The following ATAD2B variants were observed in gnomAD, a reference collection of about 807,000 sequenced individuals.
ATAD2B encodes the protein ATPase family AAA domain containing 2B, also known as ATPase family AAA domain-containing protein 2B.
A neutral mutation model predicts 167.6 loss-of-function variants in ATAD2B; 40 were observed. The observed-to-expected ratio is 0.24, with a 90% CI of 0.19 to 0.31. ATAD2B has a LOEUF of 0.31. Among genes scored for constraint, ATAD2B ranks in the 10% least tolerant of loss-of-function variants. The pLI is 1.00. For missense variants in ATAD2B, 1,242 were observed against 1,757.2 expected (o/e 0.71, Z 5.24); for synonymous variants, 579 against 596.5 (o/e 0.97, Z 0.43).
chr2:23,725,407 T>C, the ATAD2B span, among the ~76,000 whole-genome samples: 1 of 152,218 alleles, frequency 6.6e-6, no homozygotes, highest in South Asian at 2.1e-4. Flanking sequence ...ATATAACAGA[T>C]TATGTCTTAC....
At chr2:23,766,439 C>T (rs1231416129) in intron 22 of ATAD2B, among the ~76,000 whole-genome samples, 1 of 152,170 alleles carries the variant, frequency 6.6e-6, no homozygotes, top group African/African-American at 2.4e-5. Context: ...TAAGGGCAAA[C>T]AGTATAGACA....
rs746522804 is a variant in ATAD2B, at chr2:23,888,371, G to A, written c.397C>T (p.Pro133Ser). The change falls in exon 3 of 28, where the codon CCA (proline) becomes TCA (serine). Residue 133 changes from proline (P) to serine (S), a missense_variant. Pro to Ser is a moderately conservative substitution (Grantham distance 74, BLOSUM62 -1). Around this residue, in one of 9 missense-constraint regions of ATAD2B, gnomAD observed 199 missense variants for 194.9 expected, o/e 1.02. Coordinates refer to ENST00000238789, the MANE Select transcript of ATAD2B (RefSeq NM_017552.4). The part of the protein sequence containing the change: ...RLTSQPGATL[P>S]NGHSGLSLRS... ...TCACATAAGCCACTATGTCCATTTG[G>A]TAATGTAGCACCAGGCTGAGAAGTT... is the stretch of plus-strand genomic sequence containing the variant. 6.9e-6 allele frequency: 11 copies of A among 1,592,256 alleles called. No homozygotes were observed. The South Asian group carries it at 1.3e-4, about 18-fold the overall frequency.
intron 13 of ATAD2B, chr2:23,856,222 A>T: frequency 4.2e-5 from 7 of 165,992 alleles, no homozygotes. Flanking sequence ...GACCAGAATT[A>T]TTTTAAACTT....
chr2:23,805,655 A>G (rs1572832478), intron 18 of ATAD2B, among the ~76,000 whole-genome samples: 2 of 152,108 alleles, frequency 1.3e-5, no homozygotes, highest in Admixed American at 1.3e-4. Flanking sequence ...TTGAAATGTT[A>G]TTTTCTTTTC....
At chr2:23,843,395 A>ATTT (rs1691240677) in intron 13 of ATAD2B, among the ~76,000 whole-genome samples, 7 of 152,260 alleles carry the variant, frequency 4.6e-5, no homozygotes, top group Admixed American at 4.6e-4. Flanking sequence ...GTCATGGCTA[A>ATTT]ACTGTTGAAA....
chr2:23,739,971 G>C, the ATAD2B span, among the ~76,000 whole-genome samples: 1 of 152,056 alleles, frequency 6.6e-6, no homozygotes, highest in Non-Finnish European at 1.5e-5. Flanking sequence ...TAAATTCCTC[G>C]ACACATACAT....
intron 23 of ATAD2B, among the ~76,000 whole-genome samples, chr2:23,762,636 C>G (rs912700741): frequency 2.6e-5 from 4 of 152,128 alleles, no homozygotes; most frequent in African/African-American, 9.7e-5. Context: ...ATTATTATGA[C>G]TGTGGAACAA....
chr2:23,706,600 A>G, the ATAD2B span: 1 of 1,536,928 alleles, frequency 6.5e-7, no homozygotes, highest in Non-Finnish European at 8.7e-7. Context: ...CTCCTCCCCC[A>G]CATGCCCTGC....
chr2:23,696,287 C>A, the ATAD2B span: 1 of 1,536,818 alleles, frequency 6.5e-7, no homozygotes, highest in East Asian at 2.5e-5. The surrounding 1 kb of genome is among the most constrained non-coding windows in gnomAD (Gnocchi z 5.5). Context: ...GACCCCAGGC[C>A]CCTCCTCACC....
chr2:23,900,442 A>G (rs544299218), intron 1 of ATAD2B, among the ~76,000 whole-genome samples: 14 of 152,284 alleles, frequency 9.2e-5, no homozygotes, highest in African/African-American at 2.9e-4. Context: ...TGTGCATTAA[A>G]GGTCATCTAA....
At chr2:23,768,761 A>C (rs570208112) in intron 22 of ATAD2B, among the ~76,000 whole-genome samples, 1 of 152,308 alleles carries the variant, frequency 6.6e-6, no homozygotes, top group Admixed American at 6.5e-5. Flanking sequence ...GAATATTTTT[A>C]ATCAGGATTC....
chr2:23,878,552 G>C (rs55682359), intron 7 of ATAD2B, among the ~76,000 whole-genome samples: 1 of 151,654 alleles, frequency 6.6e-6, no homozygotes, highest in Non-Finnish European at 1.5e-5. Context: ...CCAGCTACTC[G>C]GGAGGCTGAG....
chr2:23,692,154 C>A, the ATAD2B span, among the ~76,000 whole-genome samples: 4 of 152,214 alleles, frequency 2.6e-5, no homozygotes, highest in African/African-American at 4.8e-5. Context: ...ACAAATGGCA[C>A]CATGAGGGCT....
rs1449046565 is a variant in ATAD2B at position 23,750,372 on chromosome 2, A to C, written c.*1674T>G. ...GTTAGATGTAAATGTAAATGCAAAG[A>C]AGCACTTTGGATTACTGCAGTAGGC... On this transcript the variant is annotated 3_prime_UTR_variant, in exon 28 of 28. Coordinates refer to ENST00000238789, the MANE Select transcript of ATAD2B (RefSeq NM_017552.4). 1 of 152,148 alleles carries C rather than the reference A, an allele frequency of 6.6e-6. No homozygotes were observed. Among genetic ancestry groups the C allele is most frequent in the African/African-American group, 2.4e-5 (1 of 41,442 alleles). 9.4% of individuals were successfully genotyped at this position (152,148 alleles called of 1,614,324 possible).
the ATAD2B span, among the ~76,000 whole-genome samples, chr2:23,705,221 A>G: frequency 0.84 from 127,390 of 152,256 alleles, 55,397 homozygotes; most frequent in East Asian, 1. Flanking sequence ...GGCCAGGCAC[A>G]GTGGCTCACG....
chr2:23,855,808 G>C (rs1179729839), intron 13 of ATAD2B, among the ~76,000 whole-genome samples: 6 of 152,114 alleles, frequency 3.9e-5, no homozygotes, highest in Non-Finnish European at 7.4e-5. Flanking sequence ...AGGATCACTT[G>C]GGCCTAGAAG....
At chr2:23,703,638 C>G in the ATAD2B span, 946 of 1,446,112 alleles carry the variant, frequency 6.5e-4, 6 homozygotes, top group African/African-American at 0.012. Context: ...GCTTCCTTCC[C>G]TGGAGGGTCT....
At chr2:23,816,176 T>C (rs1018130596) in intron 17 of ATAD2B, among the ~76,000 whole-genome samples, 1 of 152,200 alleles carries the variant, frequency 6.6e-6, no homozygotes. Context: ...ATAAGAAAAA[T>C]ACTACTCTCA....
intron 1 of ATAD2B, among the ~76,000 whole-genome samples, chr2:23,912,396 A>C (rs1379446264): frequency 6.6e-6 from 1 of 152,026 alleles, no homozygotes; most frequent in Non-Finnish European, 1.5e-5. Flanking sequence ...AGTCCTAGCT[A>C]CTTGGGAGGC....
Sources: allele counts gnomAD v4.1 joint callset (sites outside exome capture counted in the v4.1 genomes callset), GRCh38; gene constraint gnomAD v4.1.1; regional missense constraint gnomAD v4.1.1; non-coding constraint Gnocchi (gnomAD v3.1); transcripts MANE v1.5; gene names NCBI Gene and HGNC (gene_info 2026-07-23, HGNC 2026-07-21).